The following SF3A1 variants were observed in gnomAD, a reference collection of about 807,000 sequenced individuals.
SF3A1 encodes splicing factor 3a subunit 1.
A neutral mutation model predicts 89.9 loss-of-function variants in SF3A1; 13 were observed. That is an observed-to-expected ratio of 0.14 (90% CI 0.09 to 0.23). The LOEUF is 0.23. Ranked by LOEUF, SF3A1 falls within the 10% of genes least tolerant of loss-of-function variation. SF3A1 has a pLI of 1.00. For missense variants in SF3A1, 604 were observed against 1,022.1 expected, an observed-to-expected ratio of 0.59 and a Z score of 5.58; for synonymous variants, 405 against 374.4, an observed-to-expected ratio of 1.08 and a Z score of -0.94.
At chr22:30,349,544 A>G (rs548358935) in intron 2 of SF3A1, among the ~76,000 whole-genome samples, 2 of 152,298 alleles carry the variant, frequency 1.3e-5, no homozygotes, top group South Asian at 4.1e-4. Flanking sequence ...AGTTTCCCAA[A>G]GTGCTGGGAT....
chr22:30,350,491 A>T (rs1294867704), intron 2 of SF3A1, among the ~76,000 whole-genome samples: 1 of 152,010 alleles, frequency 6.6e-6, no homozygotes, highest in Non-Finnish European at 1.5e-5. Flanking sequence ...CTAAAAAAGA[A>T]ATGTTGGAAA....
chr22:30,344,325 G>A (rs1044330306), intron 4 of SF3A1, among the ~76,000 whole-genome samples: 18 of 152,186 alleles, frequency 1.2e-4, no homozygotes, highest in African/African-American at 4.3e-4. Context: ...TAATTTCTTA[G>A]TGATGTTAGT....
intron 2 of SF3A1, among the ~76,000 whole-genome samples, chr22:30,350,173 C>T (rs1931542678): frequency 6.6e-6 from 1 of 151,978 alleles, no homozygotes. Context: ...ATGTTGGGAA[C>T]AGGCCAGGTG....
chr22:30,351,262 G>A (rs1204760162), intron 2 of SF3A1, among the ~76,000 whole-genome samples: 1 of 151,350 alleles, frequency 6.6e-6, no homozygotes, highest in African/African-American at 2.4e-5. Context: ...CTGCACCACT[G>A]CACTCCAGCC....
intron 1 of SF3A1, among the ~76,000 whole-genome samples, chr22:30,355,833 T>G (rs1931797847): frequency 3.4e-5 from 1 of 29,162 alleles, no homozygotes; most frequent in African/African-American, 1.4e-4. Context: ...CCCGCCCCCC[T>G]TATTCTGAAC....
chr22:30,351,423 C>T (rs993347487), intron 2 of SF3A1, among the ~76,000 whole-genome samples: 9 of 152,184 alleles, frequency 5.9e-5, no homozygotes, highest in African/African-American at 1.7e-4. Context: ...AGGGGGGTGA[C>T]GTGGTCCCTG....
At chr22:30,350,184 C>T (rs1035166830) in intron 2 of SF3A1, among the ~76,000 whole-genome samples, 4 of 151,860 alleles carry the variant, frequency 2.6e-5, no homozygotes, top group East Asian at 3.9e-4. Flanking sequence ...AGGCCAGGTG[C>T]GGTGGTCACT....
chr22:30,345,253 G>A (rs993423545), intron 3 of SF3A1, 63 bp from the exon 4 acceptor site: 77 of 1,518,972 alleles, frequency 5.1e-5, no homozygotes, highest in Non-Finnish European at 6.8e-5. Flanking sequence ...GGGGAGGGGA[G>A]GGGAGGGGAC....
intron 2 of SF3A1, among the ~76,000 whole-genome samples, chr22:30,350,250 G>A (rs1931545364): frequency 1.3e-5 from 2 of 150,622 alleles, no homozygotes; most frequent in African/African-American, 4.9e-5. Flanking sequence ...CTTGAGGCCA[G>A]GAGTTCAAGA....
intron 7 of SF3A1, among the ~76,000 whole-genome samples, chr22:30,341,100 A>C: frequency 1.0e-5 from 1 of 96,036 alleles, no homozygotes; most frequent in Admixed American, 1.1e-4. Context: ...GGGGGGGGAC[A>C]GTGCCAAGGG....
intron 1 of SF3A1, among the ~76,000 whole-genome samples, chr22:30,355,083 G>T (rs1043369029): frequency 1.3e-5 from 2 of 151,856 alleles, no homozygotes; most frequent in African/African-American, 4.8e-5. Flanking sequence ...GGAGTGCAGC[G>T]GCATGATCTT....
chr22:30,340,661 G>A, intron 8 of SF3A1, 34 bp downstream of exon 8: 3 of 1,353,160 alleles, frequency 2.2e-6, no homozygotes, highest in Non-Finnish European at 2.1e-6. Context: ...GACTTCCTGG[G>A]CAGCCCGAGG....
intron 11 of SF3A1, 105 bp from the exon 12 acceptor site, chr22:30,338,002 CA>C: frequency 1.2e-6 from 1 of 801,954 alleles, no homozygotes; most frequent in East Asian, 2.6e-5. Context: ...GGAGGTTAGA[CA>C]ACTACGTCCT....
chr22:30,338,000 G>C lies in SF3A1; in HGVS notation c.1744-103C>G, dbSNP rs1931127867. 17 of 812,250 alleles carry C rather than the reference G, an allele frequency of 2.1e-5. No homozygotes were observed. In the South Asian group the frequency reaches 2.5e-4, roughly 12 times the overall value. The allele number at this position is 812,250 out of a possible 1,614,324, so 50.3% of individuals were successfully genotyped here. A position where few individuals can be genotyped will look rare whatever the true frequency, so the allele number is the denominator to read the frequency against. ...CCTGCAGCTCTGAGGATGGAGGTTAGACAACTACGTCCTGGCCCCCTGGGA... is the reference window on the plus strand; with the variant it reads ...CCTGCAGCTCTGAGGATGGAGGTTACACAACTACGTCCTGGCCCCCTGGGA... On this transcript the variant is annotated intron_variant, in intron 11 of 15. Coordinates refer to ENST00000215793, the MANE Select transcript of SF3A1 (RefSeq NM_005877.6).
At chr22:30,337,528 A>G (rs1040474030) in intron 12 of SF3A1, among the ~76,000 whole-genome samples, 162 bp downstream of exon 12, 3 of 152,162 alleles carry the variant, frequency 2.0e-5, no homozygotes, top group Admixed American at 2.0e-4. Context: ...GGTGGCTCCC[A>G]GCTCTAGGGT....
chr22:30,339,367 G>A, intron 9 of SF3A1, 116 bp from the exon 10 acceptor site: 2 of 1,302,328 alleles, frequency 1.5e-6, no homozygotes, highest in Non-Finnish European at 2.2e-6. Flanking sequence ...GGATGAGGGT[G>A]ACTCAGGGCC....
intron 12 of SF3A1, 106 bp downstream of exon 12, chr22:30,337,584 A>C (rs1372939116): frequency 1.4e-6 from 1 of 718,402 alleles, no homozygotes; most frequent in Non-Finnish European, 2.5e-6. Context: ...TGGGCTGGAT[A>C]CCCTGCTGGA....
intron 7 of SF3A1, among the ~76,000 whole-genome samples, chr22:30,341,094 G>A (rs1032128654): frequency 3.3e-5 from 5 of 152,050 alleles, no homozygotes; most frequent in Admixed American, 6.5e-5. Flanking sequence ...CATGCCGGGG[G>A]GGGACAGTGC....
chr22:30,334,463 T>C lies in SF3A1; in HGVS notation c.*131A>G, dbSNP rs1013471210. The C allele has an allele frequency of 2.1e-5, 13 of 612,830 alleles. No individual in the cohort carries two copies. Among genetic ancestry groups the C allele is most frequent in the Non-Finnish European group, 2.0e-5 (7 of 349,542 alleles). 38.0% of individuals were successfully genotyped at this position (612,830 alleles called of 1,614,324 possible). A position where few individuals can be genotyped will look rare whatever the true frequency, so the allele number is the denominator to read the frequency against. ...ATGAACCTCTGCAGGACAATTTGAATTCCCAAACTGAGTAAGAGCGAAACA... is the reference window on the plus strand; with the variant it reads ...ATGAACCTCTGCAGGACAATTTGAACTCCCAAACTGAGTAAGAGCGAAACA... On this transcript the variant is annotated 3_prime_UTR_variant, in exon 16 of 16. Transcript: ENST00000215793.
Sources: allele counts gnomAD v4.1 joint callset (sites outside exome capture counted in the v4.1 genomes callset), GRCh38; gene constraint gnomAD v4.1.1; transcripts MANE v1.5; gene names NCBI Gene and HGNC (gene_info 2026-07-23, HGNC 2026-07-21).